The following CFTR variants were observed in gnomAD, a reference collection of about 807,000 sequenced individuals.
CFTR encodes cystic fibrosis transmembrane conductance regulator.
In CFTR, 181 loss-of-function variants were observed where a neutral mutation model predicts 171.6. That is an observed-to-expected ratio of 1.05 (90% CI 0.93 to 1.19). The LOEUF is 1.19. Ranked by LOEUF, CFTR falls within the 50% of genes most tolerant of loss-of-function variation. CFTR has a pLI of 0.00. For synonymous variants in CFTR, 583 were observed against 608.0 expected (o/e 0.96, Z 0.60); for missense variants, 1,968 against 1,734.7 (o/e 1.13, Z -2.39).
At chr7:117,631,677 C>T (rs1453455689) in intron 22 of CFTR, among the ~76,000 whole-genome samples, 4 of 152,162 alleles carry the variant, frequency 2.6e-5, no homozygotes, top group African/African-American at 9.6e-5. Flanking sequence ...ATCTCTGTTC[C>T]CCTTCCCACA....
chr7:117,515,583 C>T (rs1030021163), intron 3 of CFTR, among the ~76,000 whole-genome samples: 8 of 152,066 alleles, frequency 5.3e-5, no homozygotes, highest in Admixed American at 2.0e-4. Context: ...AGTCTGGTAG[C>T]GTGATGCCTC....
intron 24 of CFTR, among the ~76,000 whole-genome samples, chr7:117,658,929 A>G (rs917503242): frequency 3.3e-5 from 5 of 152,000 alleles, no homozygotes; most frequent in Non-Finnish European, 7.4e-5. Flanking sequence ...TCTTCCCTTC[A>G]TATGGCTCCT....
intron 4 of CFTR, among the ~76,000 whole-genome samples, chr7:117,532,724 T>C (rs1798883868): frequency 6.6e-6 from 1 of 152,148 alleles, no homozygotes; most frequent in South Asian, 2.1e-4. Flanking sequence ...TAGGTGGTAT[T>C]GTATCTGTCT....
chr7:117,521,597 T>A (rs1014335394), intron 3 of CFTR, among the ~76,000 whole-genome samples: 1 of 152,150 alleles, frequency 6.6e-6, no homozygotes, highest in African/African-American at 2.4e-5. Flanking sequence ...TAAACTGTCC[T>A]ATTATTCTTG....
At chr7:117,623,526 G>C (rs972488202) in intron 21 of CFTR, among the ~76,000 whole-genome samples, 1 of 152,182 alleles carries the variant, frequency 6.6e-6, no homozygotes, top group Non-Finnish European at 1.5e-5. Flanking sequence ...CACTCTAAAT[G>C]AGAGAAAAGG....
rs902876812 is a variant in CFTR, at chr7:117,504,147, C to T, written c.54-106C>T. On this transcript the variant is annotated intron_variant, in intron 1 of 26. Coordinates refer to ENST00000003084, the MANE Select transcript of CFTR (RefSeq NM_000492.4). ...TTGACTTATTTTATTCTCATATTTA[C>T]ATGTGCATAATTTTCCATATGCCAG... is the stretch of plus-strand genomic sequence containing the variant. The T allele has an allele frequency of 5.5e-6, 4 of 731,718 alleles. No homozygotes were observed. The African/African-American group carries it at 7.0e-5, about 13-fold the overall frequency. 45.3% of individuals were successfully genotyped at this position (731,718 alleles called of 1,614,324 possible). A position where few individuals can be genotyped will look rare whatever the true frequency, so the allele number is the denominator to read the frequency against.
intron 24 of CFTR, among the ~76,000 whole-genome samples, chr7:117,656,464 G>C (rs1229814310): frequency 1.3e-5 from 2 of 151,952 alleles, no homozygotes; most frequent in African/African-American, 4.8e-5. Flanking sequence ...ACATTATATA[G>C]GAAATATATT....
rs1799129338 is a variant in CFTR, at chr7:117,545,712, TTACACAAC to T, written c.1210-2926_1210-2919del. Among the ~76,000 whole-genome samples, 37 of 152,314 alleles carry T rather than the reference TTACACAAC, an allele frequency of 2.4e-4. 1 individual carries two copies. The South Asian group carries it at 6.8e-3, about 28-fold the overall frequency. On this transcript the variant is annotated intron_variant, in intron 9 of 26. Coordinates refer to ENST00000003084, the MANE Select transcript of CFTR (RefSeq NM_000492.4). ...GACAGTTTAAGTAACTCAAGCATGG[TTACACAAC>T]TAGCTAGGGCAGAGCTAAAATGTCA...
intron 21 of CFTR, among the ~76,000 whole-genome samples, chr7:117,617,764 A>G (rs750148579): frequency 3.6e-4 from 55 of 152,158 alleles, no homozygotes; most frequent in Admixed American, 9.2e-4. Context: ...TTAGCATAAA[A>G]ATACTTTCCC....
chr7:117,631,876 G>A (rs531794753), intron 22 of CFTR, among the ~76,000 whole-genome samples: 14 of 152,270 alleles, frequency 9.2e-5, no homozygotes, highest in African/African-American at 3.4e-4. Context: ...TGACAATCTG[G>A]GCTTGCCATT....
chr7:117,635,226 T>C (rs1271810603), intron 22 of CFTR, among the ~76,000 whole-genome samples: 4 of 152,132 alleles, frequency 2.6e-5, no homozygotes. Flanking sequence ...CTCGCCCTGA[T>C]GTCTGTTCTC....
rs187058980 is a variant in CFTR, at chr7:117,510,570, C to G, written c.273+1428C>G. ...TTGCATGCTGCTTCTATTGATTAACCTAAGCACTACTGAGTAGAAGCTGGA... is the reference window on the plus strand; with the variant it reads ...TTGCATGCTGCTTCTATTGATTAACGTAAGCACTACTGAGTAGAAGCTGGA... On this transcript the variant is annotated intron_variant, in intron 3 of 26. Transcript: ENST00000003084. Among the ~76,000 whole-genome samples, 7 of 152,270 alleles carry G rather than the reference C, an allele frequency of 4.6e-5. No individual in the cohort carries two copies. In the East Asian group the frequency reaches 1.4e-3, roughly 29 times the overall value.
chr7:117,597,301 C>A (rs1222025703), intron 15 of CFTR, among the ~76,000 whole-genome samples: 1 of 152,130 alleles, frequency 6.6e-6, no homozygotes, highest in Non-Finnish European at 1.5e-5. Context: ...GGACACGCGG[C>A]CTTTAAGAAC....
intron 2 of CFTR, among the ~76,000 whole-genome samples, chr7:117,505,497 A>G (rs1798399722): frequency 6.6e-6 from 1 of 152,174 alleles, no homozygotes; most frequent in South Asian, 2.1e-4. Context: ...TTATTTTCTC[A>G]GACCGGACCA....
At chr7:117,508,848 A>G (rs34994599) in intron 2 of CFTR, among the ~76,000 whole-genome samples, 186 bp from the exon 3 acceptor site, 2 of 152,236 alleles carry the variant, frequency 1.3e-5, no homozygotes, top group Non-Finnish European at 2.9e-5. Context: ...ATGGCAGAGC[A>G]TTGAATTCTG....
At position 117,592,282 on chromosome 7, in the gene CFTR, C is replaced by T. The variant is rs1453360094; in HGVS notation, c.2115C>T (p.Ile705=). The change falls in exon 14 of 27, where the codon ATC becomes ATT. Residue 705 remains isoleucine (I), a synonymous_variant. Coordinates refer to ENST00000003084, the MANE Select transcript of CFTR (RefSeq NM_000492.4). ...GGAAGAATTCTATTCTCAATCCAAT[C>T]AACTCTATACGAAAATTTTCCATTG... ...EKRKNSILNP[I]NSIRKFSIVQ... The T allele has an allele frequency of 6.2e-7, 1 of 1,613,900 alleles. No individual in the cohort carries two copies. Among genetic ancestry groups the T allele is most frequent in the African/African-American group, 1.3e-5 (1 of 74,930 alleles).
chr7:117,621,385 C>T (rs1011129185), intron 21 of CFTR, among the ~76,000 whole-genome samples: 1 of 152,082 alleles, frequency 6.6e-6, no homozygotes, highest in Non-Finnish European at 1.5e-5. Context: ...TGGGCTGTAT[C>T]GTCTTTATGA....
chr7:117,584,910 T>C (rs1791906146), intron 11 of CFTR, among the ~76,000 whole-genome samples: 1 of 142,680 alleles, frequency 7.0e-6, no homozygotes, highest in Non-Finnish European at 1.5e-5. Flanking sequence ...TATTTTCATG[T>C]ATTTTAGTTT....
rs145751743 is a variant in CFTR at position 117,516,482 on chromosome 7, A to G, written c.273+7340A>G. The stretch of plus-strand genomic sequence containing the variant: ...TCTTAAATTACAGTGATACTAGCTT[A>G]TAACTTAATTTGCTAGGTCATGTTG... On this transcript the variant is annotated intron_variant, in intron 3 of 26. Transcript: ENST00000003084. Among the ~76,000 whole-genome samples the G allele has an allele frequency of 7.8e-3, 1,186 of 152,266 alleles. 4 individuals are homozygous for G. The highest frequency in any genetic ancestry group is 0.012 in the Non-Finnish European group (811 of 68,014).
Sources: allele counts gnomAD v4.1 joint callset (sites outside exome capture counted in the v4.1 genomes callset), GRCh38; gene constraint gnomAD v4.1.1; transcripts MANE v1.5; gene names NCBI Gene and HGNC (gene_info 2026-07-23, HGNC 2026-07-21).